The following CFAP92 variants were observed in gnomAD, a reference collection of about 807,000 sequenced individuals.
CFAP92 encodes the protein uncharacterized protein CFAP92.
Under a neutral mutation model 106.3 loss-of-function variants are expected in CFAP92, and 86 were observed. The ratio of observed to expected loss-of-function variants is 0.81; its 90% CI spans 0.68 to 0.97. The LOEUF is 0.97. Ranked by LOEUF, CFAP92 falls within the 50% of genes least tolerant of loss-of-function variation. The pLI, the probability that CFAP92 is intolerant of heterozygous loss-of-function variation, is 0.00. For missense variants in CFAP92, 1,204 were observed against 1,283.8 expected (o/e 0.94, Z 0.95); for synonymous variants, 477 against 506.4 (o/e 0.94, Z 0.78).
chr3:128,975,013 G>A (rs1321292131), intron 7 of CFAP92, among the ~76,000 whole-genome samples: 1 of 149,960 alleles, frequency 6.7e-6, no homozygotes, highest in Non-Finnish European at 1.5e-5. Flanking sequence ...CCAGCTATTC[G>A]GGAGGCTGAG....
chr3:128,993,955 G>A, intron 1 of CFAP92, 25 bp downstream of exon 1: 1 of 988,036 alleles, frequency 1.0e-6, no homozygotes, highest in Non-Finnish European at 1.2e-6. Context: ...AGGGGTCGGG[G>A]TTCCCCTCCA....
intron 10 of CFAP92, 127 bp from the exon 11 acceptor site, chr3:128,935,446 T>A: frequency 1.7e-6 from 1 of 571,928 alleles, no homozygotes. Context: ...GTATGGTGAC[T>A]CACGCCTATA....
rs148173447 is a variant in CFAP92, at chr3:128,987,861, G to A, written c.454-32C>T. 417 of 1,552,704 alleles carry A rather than the reference G, an allele frequency of 2.7e-4. 3 individuals carry two copies. In the East Asian group the frequency reaches 9.7e-3, roughly 36 times the overall value. ...AAAACAACATTCAGAGATGTCAACT[G>A]GGGAAAGATGTGCAAAGGCCGTGGC... On this transcript the variant is annotated intron_variant, in intron 3 of 15. Transcript: ENST00000645291.
rs1702746327 is a variant in CFAP92, at chr3:128,915,374, TG to T, written c.3105del (p.Ile1036SerfsTer4). The T allele has an allele frequency of 1.3e-6, 2 of 1,536,130 alleles. No individual in the cohort carries two copies. Among genetic ancestry groups the T allele is most frequent in the Non-Finnish European group, 1.7e-6 (2 of 1,146,912 alleles). ...ESSFQDLKLP[P>X]IKELNEEWKE... ...CTGTGGACCTCATTCAGCTCTTTGA[TG>T]GGTGGCAGCTTGAGATCCTGAAAGC... is the stretch of plus-strand genomic sequence containing the variant. On this transcript the variant is annotated frameshift_variant, in exon 14 of 16. Transcript: ENST00000645291. LOFTEE classifies it high-confidence loss of function.
intron 9 of CFAP92, among the ~76,000 whole-genome samples, chr3:128,963,232 C>G (rs1344535180): frequency 3.9e-5 from 6 of 152,158 alleles, no homozygotes; most frequent in Non-Finnish European, 5.9e-5. Context: ...CCTTTCCTTC[C>G]TAGGCATGCT....
intron 12 of CFAP92, among the ~76,000 whole-genome samples, chr3:128,927,831 A>T (rs1009760738): frequency 8.5e-5 from 13 of 152,244 alleles, no homozygotes; most frequent in African/African-American, 2.9e-4. Flanking sequence ...AGACTTGCAC[A>T]CTAAGAACTA....
At chr3:128,928,692 G>T (rs1375740906) in intron 12 of CFAP92, among the ~76,000 whole-genome samples, 1 of 152,172 alleles carries the variant, frequency 6.6e-6, no homozygotes. Flanking sequence ...AAGAGTAAGT[G>T]TAAGAGAAAG....
At chr3:128,929,855 AT>A (rs1371046689) in intron 12 of CFAP92, among the ~76,000 whole-genome samples, 1 of 152,232 alleles carries the variant, frequency 6.6e-6, no homozygotes, top group East Asian at 1.9e-4. Flanking sequence ...TGATGGTGTT[AT>A]AACTATAAAT....
chr3:128,968,510 A>G (rs914852636), intron 8 of CFAP92: 1 of 152,208 alleles, frequency 6.6e-6, no homozygotes, highest in African/African-American at 2.4e-5. Flanking sequence ...ACCATAGGCT[A>G]TGTCATGGGT....
intron 9 of CFAP92, among the ~76,000 whole-genome samples, chr3:128,956,216 A>AAAAAAAAAAAAAAAAAAAAAAT (rs1559894787): frequency 1.3e-5 from 1 of 79,484 alleles, no homozygotes; most frequent in African/African-American, 1.6e-4. Context: ...ATAAAAAAAT[A>AAAAAAAAAAAAAAAAAAAAAAT]AAAAAAAAAA....
the CFAP92 span, among the ~76,000 whole-genome samples, chr3:129,024,906 G>C: frequency 6.6e-6 from 1 of 152,284 alleles, no homozygotes; most frequent in African/African-American, 2.4e-5. Flanking sequence ...TGGGGTGGGA[G>C]AACGAAGAAC....
At chr3:128,968,693 G>C (rs1942562521) in intron 8 of CFAP92, 1 of 152,450 alleles carries the variant, frequency 6.6e-6, no homozygotes, top group Admixed American at 6.5e-5. Flanking sequence ...GTGAGACTCA[G>C]AGAAAGTAGG....
chr3:128,981,471 C>T (rs1361761303), intron 4 of CFAP92, among the ~76,000 whole-genome samples: 1 of 152,148 alleles, frequency 6.6e-6, no homozygotes, highest in African/African-American at 2.4e-5. Flanking sequence ...GCTGGGATTA[C>T]AGGCACCTGC....
At chr3:128,980,847 C>T (rs377211651) in intron 4 of CFAP92, among the ~76,000 whole-genome samples, 1 of 152,162 alleles carries the variant, frequency 6.6e-6, no homozygotes, top group African/African-American at 2.4e-5. Flanking sequence ...AATTCTAGTT[C>T]TCTTGCTGTT....
chr3:128,987,021 C>A (rs966413576), intron 4 of CFAP92, among the ~76,000 whole-genome samples: 1 of 152,080 alleles, frequency 6.6e-6, no homozygotes, highest in Non-Finnish European at 1.5e-5. Flanking sequence ...ATTAGCCGGG[C>A]GTGGTGGCGC....
chr3:129,025,948 C>T, the CFAP92 span, among the ~76,000 whole-genome samples: 1 of 152,270 alleles, frequency 6.6e-6, no homozygotes, highest in East Asian at 1.9e-4. Flanking sequence ...TTCCAAGCTT[C>T]CCTTGTGCCT....
At chr3:128,999,396 T>A (rs1006485543) in intron 1 of CFAP92, among the ~76,000 whole-genome samples, 1 of 152,066 alleles carries the variant, frequency 6.6e-6, no homozygotes, top group African/African-American at 2.4e-5. Context: ...AAGCTTTCTT[T>A]TCAATATTGA....
intron 12 of CFAP92, among the ~76,000 whole-genome samples, chr3:128,925,249 A>G (rs777677911): frequency 6.6e-6 from 1 of 152,196 alleles, no homozygotes; most frequent in South Asian, 2.1e-4. Flanking sequence ...CATTGGTTAG[A>G]GTCTCATAAG....
chr3:128,915,700 T>C, intron 13 of CFAP92, 137 bp from the exon 14 acceptor site: 1 of 646,024 alleles, frequency 1.5e-6, no homozygotes, highest in South Asian at 2.0e-5. Context: ...AGGAAATGAC[T>C]GTGCAGTAGC....
Sources: allele counts gnomAD v4.1 joint callset (sites outside exome capture counted in the v4.1 genomes callset), GRCh38; gene constraint gnomAD v4.1.1; transcripts MANE v1.5; gene names NCBI Gene and HGNC (gene_info 2026-07-23, HGNC 2026-07-21).